ACER2: variants seen among roughly 807,000 people sequenced by gnomAD.
ACER2 encodes the protein alkaline ceramidase 2.
ACER2 carries 26 observed loss-of-function variants against 34.7 expected under a neutral mutation model. The observed-to-expected ratio is 0.75, with a 90% CI of 0.55 to 1.04. The LOEUF (loss-of-function observed/expected upper bound fraction) is 1.04, where lower values mean the gene tolerates loss of function less well. Among genes scored for constraint, ACER2 ranks in the 50% least tolerant of loss-of-function variants. The pLI, the probability that ACER2 is intolerant of heterozygous loss-of-function variation, is 0.00. For synonymous variants in ACER2, 138 were observed against 132.1 expected, an observed-to-expected ratio of 1.04 and a Z score of -0.31; for missense variants, 352 against 340.8, an observed-to-expected ratio of 1.03 and a Z score of -0.26.
chr9:19,436,743 C>G (rs989881424), intron 4 of ACER2, among the ~76,000 whole-genome samples: 2 of 152,140 alleles, frequency 1.3e-5, no homozygotes, highest in East Asian at 3.8e-4. Flanking sequence ...AACACATTTC[C>G]TGTTTTTGAC....
intron 4 of ACER2, among the ~76,000 whole-genome samples, chr9:19,441,621 C>A (rs934397103): frequency 6.6e-6 from 1 of 152,076 alleles, no homozygotes; most frequent in East Asian, 1.9e-4. Context: ...ATATGCTGTT[C>A]CAGGACCCTG....
At chr9:19,443,176 G>A (rs1049237587) in intron 4 of ACER2, among the ~76,000 whole-genome samples, 1 of 152,156 alleles carries the variant, frequency 6.6e-6, no homozygotes, top group Admixed American at 6.5e-5. Flanking sequence ...GACTTCAGGT[G>A]CCTGCCACCA....
intron 1 of ACER2, among the ~76,000 whole-genome samples, chr9:19,422,053 G>A (rs563043447): frequency 2.6e-5 from 4 of 151,874 alleles, no homozygotes; most frequent in Non-Finnish European, 5.9e-5. Context: ...GGAGGCTGAG[G>A]CAGGAGGATT....
intron 3 of ACER2, among the ~76,000 whole-genome samples, chr9:19,429,574 C>A (rs1231437104): frequency 6.6e-6 from 1 of 152,202 alleles, no homozygotes; most frequent in African/African-American, 2.4e-5. Context: ...TCAAGAGATA[C>A]TCCCACCTTG....
At chr9:19,417,444 A>G (rs1589035383) in intron 1 of ACER2, among the ~76,000 whole-genome samples, 5 of 152,248 alleles carry the variant, frequency 3.3e-5, no homozygotes, top group Admixed American at 3.3e-4. Flanking sequence ...ACAAAGCTGG[A>G]GGCATCACGC....
chr9:19,411,450 T>C (rs1315876712), intron 1 of ACER2, among the ~76,000 whole-genome samples: 1 of 152,148 alleles, frequency 6.6e-6, no homozygotes, highest in East Asian at 1.9e-4. Flanking sequence ...TGTGGTGCGA[T>C]CTTGGCTCAC....
At chr9:19,426,389 T>TCTCC (rs1431122256) in intron 3 of ACER2, among the ~76,000 whole-genome samples, 3 of 148,018 alleles carry the variant, frequency 2.0e-5, no homozygotes, top group Non-Finnish European at 4.5e-5. Flanking sequence ...TCTCTCTCTC[T>TCTCC]CTCCTCCTTT....
At chr9:19,425,828 C>T (rs916289023) in intron 3 of ACER2, among the ~76,000 whole-genome samples, 4 of 152,088 alleles carry the variant, frequency 2.6e-5, no homozygotes, top group Non-Finnish European at 5.9e-5. Flanking sequence ...ACATATATGG[C>T]TAAATAGTCT....
chr9:19,412,754 T>G (rs549804191), intron 1 of ACER2, among the ~76,000 whole-genome samples: 95 of 151,870 alleles, frequency 6.3e-4, no homozygotes, highest in African/African-American at 2.1e-3. Context: ...GTACCTTGTG[T>G]TTTTCACTTA....
At chr9:19,426,988 G>A (rs1830591235) in intron 3 of ACER2, among the ~76,000 whole-genome samples, 1 of 152,206 alleles carries the variant, frequency 6.6e-6, no homozygotes, top group Admixed American at 6.5e-5. Context: ...GGGAAGATGT[G>A]AAGATATAGC....
intron 1 of ACER2, among the ~76,000 whole-genome samples, chr9:19,413,435 C>T (rs1004980296): frequency 2.0e-5 from 3 of 151,902 alleles, no homozygotes; most frequent in Non-Finnish European, 4.4e-5. Flanking sequence ...CCCATCTTTA[C>T]CAAAAATACA....
At chr9:19,411,397 A>T (rs1443116173) in intron 1 of ACER2, among the ~76,000 whole-genome samples, 4 of 151,990 alleles carry the variant, frequency 2.6e-5, no homozygotes, top group East Asian at 3.9e-4. Flanking sequence ...ATTTAAAAAA[A>T]TTTTTTTTTG....
intron 3 of ACER2, among the ~76,000 whole-genome samples, chr9:19,431,413 A>G (rs1368302063): frequency 6.6e-6 from 1 of 152,226 alleles, no homozygotes; most frequent in Admixed American, 6.5e-5. Context: ...CCTGTGCGTA[A>G]TTCTTAAACC....
chr9:19,431,100 G>T (rs1050961885), intron 3 of ACER2, among the ~76,000 whole-genome samples: 11 of 151,970 alleles, frequency 7.2e-5, no homozygotes, highest in African/African-American at 2.7e-4. Context: ...GCTCAGTTAC[G>T]TTTTCCCTGA....
intron 1 of ACER2, chr9:19,409,847 T>C (rs554965551): frequency 2.0e-6 from 2 of 985,376 alleles, no homozygotes; most frequent in South Asian, 4.7e-5. Flanking sequence ...GTCTGAGGGA[T>C]GAAAGGAAAG....
intron 1 of ACER2, among the ~76,000 whole-genome samples, chr9:19,423,656 G>A (rs1260766306): frequency 6.6e-6 from 1 of 152,142 alleles, no homozygotes; most frequent in African/African-American, 2.4e-5. Flanking sequence ...AGCCAAGATC[G>A]TACCACTGCA....
intron 1 of ACER2, among the ~76,000 whole-genome samples, chr9:19,423,121 C>T: frequency 6.6e-6 from 1 of 151,526 alleles, no homozygotes; most frequent in Non-Finnish European, 1.5e-5. Flanking sequence ...GGGAGGATCA[C>T]TTCAGTCCAG....
chr9:19,433,826 C>G (rs1830844852), intron 3 of ACER2, among the ~76,000 whole-genome samples: 1 of 151,064 alleles, frequency 6.6e-6, no homozygotes, highest in Admixed American at 6.6e-5. Context: ...GCTGGCCGGG[C>G]AGAGGGGCTC....
intron 1 of ACER2, among the ~76,000 whole-genome samples, chr9:19,420,161 G>C (rs1830359755): frequency 6.6e-6 from 1 of 152,162 alleles, no homozygotes; most frequent in Non-Finnish European, 1.5e-5. Context: ...GTTCTGTTCA[G>C]GTGCCCACCA....
Sources: allele counts gnomAD v4.1 joint callset (sites outside exome capture counted in the v4.1 genomes callset), GRCh38; gene constraint gnomAD v4.1.1; transcripts MANE v1.5; gene names NCBI Gene and HGNC (gene_info 2026-07-23, HGNC 2026-07-21).